GAS7: variants seen among roughly 807,000 people sequenced by gnomAD.
GAS7 encodes the protein growth arrest-specific protein 7.
GAS7 carries 28 observed loss-of-function variants against 71.1 expected under a neutral mutation model. The observed-to-expected ratio is 0.39, with a 90% CI of 0.29 to 0.54. The LOEUF (loss-of-function observed/expected upper bound fraction) is 0.54. Among genes scored for constraint, GAS7 ranks in the 20% least tolerant of loss-of-function variants. The pLI is 0.62. For synonymous variants in GAS7, 258 were observed against 245.8 expected, an observed-to-expected ratio of 1.05 and a Z score of -0.46; for missense variants, 436 against 627.8, an observed-to-expected ratio of 0.69 and a Z score of 3.27.
intron 1 of GAS7, among the ~76,000 whole-genome samples, chr17:10,120,892 C>CT (rs2073899585): frequency 6.6e-6 from 1 of 152,192 alleles, no homozygotes; most frequent in South Asian, 2.1e-4. Flanking sequence ...CCCCTCCTCT[C>CT]ATCCTTTCTC....
intron 1 of GAS7, among the ~76,000 whole-genome samples, chr17:10,146,312 G>T (rs554278079): frequency 1.3e-5 from 2 of 152,242 alleles, no homozygotes; most frequent in Non-Finnish European, 2.9e-5. Context: ...TTCTTCCCGG[G>T]GCAACCCTAG....
chr17:10,074,175 G>T (rs568771014), intron 1 of GAS7, among the ~76,000 whole-genome samples: 1 of 152,170 alleles, frequency 6.6e-6, no homozygotes, highest in African/African-American at 2.4e-5. Context: ...TGGGAGGGGG[G>T]TGCTGCCCAA....
At chr17:10,115,660 CT>C (rs1194265568) in intron 1 of GAS7, among the ~76,000 whole-genome samples, 2 of 152,168 alleles carry the variant, frequency 1.3e-5, no homozygotes, top group Non-Finnish European at 2.9e-5. Context: ...ATTACCATTT[CT>C]TGTCTTTTCT....
chr17:10,185,043 C>T (rs2074442060), intron 1 of GAS7, among the ~76,000 whole-genome samples: 1 of 151,838 alleles, frequency 6.6e-6, no homozygotes, highest in Non-Finnish European at 1.5e-5. Context: ...TCTCCTGTCT[C>T]AGCCTCCTGA....
At chr17:10,069,585 C>T (rs1295202730) in intron 1 of GAS7, among the ~76,000 whole-genome samples, 6 of 152,302 alleles carry the variant, frequency 3.9e-5, no homozygotes, top group South Asian at 2.1e-4. Context: ...AGACGCAAAG[C>T]GACTTGCCCA....
At chr17:9,953,206 G>A (rs1744187574) in intron 5 of GAS7, among the ~76,000 whole-genome samples, 1 of 152,020 alleles carries the variant, frequency 6.6e-6, no homozygotes, top group Non-Finnish European at 1.5e-5. Context: ...GACATGGATG[G>A]AGCTGGAAGC....
intron 1 of GAS7, among the ~76,000 whole-genome samples, chr17:10,115,114 C>T (rs1005014462): frequency 1.3e-5 from 2 of 152,202 alleles, no homozygotes; most frequent in African/African-American, 2.4e-5. Context: ...ATGAGCCACA[C>T]GCTAATCTCC....
chr17:10,044,607 A>AT (rs1033946313), intron 1 of GAS7, among the ~76,000 whole-genome samples: 1 of 152,176 alleles, frequency 6.6e-6, no homozygotes, highest in Admixed American at 6.5e-5. Flanking sequence ...CATTTTCTAA[A>AT]TTTTTTTGGT....
intron 1 of GAS7, among the ~76,000 whole-genome samples, chr17:10,179,350 A>G (rs904339697): frequency 6.6e-6 from 1 of 151,910 alleles, no homozygotes; most frequent in Admixed American, 6.6e-5. Flanking sequence ...AAAAAAATTC[A>G]TAGGTCCTGT....
chr17:10,187,008 G>A (rs2074459621), intron 1 of GAS7, among the ~76,000 whole-genome samples: 1 of 152,220 alleles, frequency 6.6e-6, no homozygotes, highest in Non-Finnish European at 1.5e-5. Flanking sequence ...GTCCCCATGA[G>A]TGGTTACCCA....
rs573260925 is a variant in GAS7, at chr17:9,919,967, T to C, written c.1139-262A>G. Among the ~76,000 whole-genome samples, 7 of 116,288 alleles carry C rather than the reference T, an allele frequency of 6.0e-5. No homozygotes were observed. In the South Asian group the frequency reaches 2.0e-3, roughly 34 times the overall value. The allele number at this position is 116,288 out of a possible 152,430, so 76.3% of individuals were successfully genotyped here. ...CAAGGATTCAGGATGGTGGTTCTCA[T>C]TTTGTGTGTGTGTGTGTGTGTGTGT... On this transcript the variant is annotated intron_variant, in intron 11 of 13. Coordinates refer to ENST00000432992, the MANE Select transcript of GAS7 (RefSeq NM_201433.2). This position sits in a 1 kb window ranked among gnomAD's most constrained non-coding sequence, Gnocchi z 5.0.
intron 3 of GAS7, among the ~76,000 whole-genome samples, chr17:9,976,912 A>G (rs1188072161): frequency 1.3e-5 from 2 of 152,260 alleles, no homozygotes; most frequent in African/African-American, 4.8e-5. Context: ...AAAGCCACAG[A>G]TGCCTATTTG....
chr17:9,981,814 C>T lies in GAS7; in HGVS notation c.375G>A (p.Leu125=). The change falls in exon 3 of 14, where the codon CTG becomes CTA. Residue 125 remains leucine (L), a synonymous_variant. Transcript: ENST00000432992. This position sits in a 1 kb window ranked among gnomAD's most constrained non-coding sequence, Gnocchi z 4.4. The part of the protein sequence containing the change: ...PASPGSHRSS[L]PPTVNGYHAS... The stretch of plus-strand genomic sequence containing the variant: ...GACAGCGGACATTACCTGTTGGAGG[C>T]AGAGAGCTCCTGTGAGAGCCAGGGC... 6.3e-7 allele frequency: 1 copy of T among 1,585,448 alleles called. No homozygotes were observed. Among genetic ancestry groups the T allele is most frequent in the South Asian group, 1.1e-5 (1 of 90,476 alleles).
At chr17:10,128,631 CTTTTT>C (rs113967374) in intron 1 of GAS7, among the ~76,000 whole-genome samples, 1 of 142,054 alleles carries the variant, frequency 7.0e-6, no homozygotes, top group East Asian at 2.0e-4. Context: ...TTTCTTTTCT[CTTTTT>C]TTTTTTTTTT....
intron 1 of GAS7, among the ~76,000 whole-genome samples, chr17:10,188,729 C>T (rs1401848751): frequency 2.6e-5 from 4 of 152,156 alleles, no homozygotes; most frequent in African/African-American, 9.7e-5. Flanking sequence ...GCTTTGACCT[C>T]CCGGGTTCAA....
At chr17:10,147,062 G>C (rs896826634) in intron 1 of GAS7, among the ~76,000 whole-genome samples, 1 of 152,108 alleles carries the variant, frequency 6.6e-6, no homozygotes, top group Non-Finnish European at 1.5e-5. Context: ...TCGAAATTGA[G>C]ATTTACCTAT....
Position 10,102,751 on chromosome 17 carries a change from GTT to G in GAS7, c.184-82856_184-82855del, listed in dbSNP as rs142011191. Among the ~76,000 whole-genome samples, 396 of 144,686 alleles carry G rather than the reference GTT, an allele frequency of 2.7e-3. 2 individuals are homozygous for G. Among genetic ancestry groups the G allele is most frequent in the African/African-American group, 8.7e-3 (343 of 39,536 alleles). The allele number at this position is 144,686 out of a possible 152,430, so 94.9% of individuals were successfully genotyped here. A position where few individuals can be genotyped will look rare whatever the true frequency, so the allele number is the denominator to read the frequency against. On this transcript the variant is annotated intron_variant, in intron 1 of 13. Transcript: ENST00000432992. ...ATCAAAATCAAAATACCCAGGCCCT[GTT>G]TTTTTTTTTTGGTTTGGTTTCCGGG... is the stretch of plus-strand genomic sequence containing the variant.
Position 9,914,256 on chromosome 17 carries a change from T to G in GAS7, c.*2972A>C, listed in dbSNP as rs1012853476. 2 of 197,554 alleles carry G rather than the reference T, an allele frequency of 1.0e-5. No individual in the cohort carries two copies. The highest frequency in any genetic ancestry group is 2.1e-5 in the Non-Finnish European group (2 of 95,370). 12.2% of individuals were successfully genotyped at this position (197,554 alleles called of 1,614,324 possible). A position where few individuals can be genotyped will look rare whatever the true frequency, so the allele number is the denominator to read the frequency against. The stretch of plus-strand genomic sequence containing the variant: ...TTTATAATTTTTTTGAGATGGAGTC[T>G]TGCTCTGTCACCCAAGCTGGAGTGC... On this transcript the variant is annotated 3_prime_UTR_variant, in exon 14 of 14. Transcript: ENST00000432992.
chr17:10,079,447 T>C (rs1233286895), intron 1 of GAS7, among the ~76,000 whole-genome samples: 2 of 152,174 alleles, frequency 1.3e-5, no homozygotes, highest in Non-Finnish European at 2.9e-5. Context: ...AGACCTTATG[T>C]CTGATAAGAA....
Sources: allele counts gnomAD v4.1 joint callset (sites outside exome capture counted in the v4.1 genomes callset), GRCh38; gene constraint gnomAD v4.1.1; non-coding constraint Gnocchi (gnomAD v3.1); transcripts MANE v1.5; gene names NCBI Gene and HGNC (gene_info 2026-07-23, HGNC 2026-07-21).